Variants in TTC27 observed in about 807,000 individuals in gnomAD.
The protein encoded by TTC27 is tetratricopeptide repeat domain 27.
Under a neutral mutation model 115.9 loss-of-function variants are expected in TTC27, and 79 were observed. The ratio of observed to expected loss-of-function variants is 0.68; its 90% CI spans 0.57 to 0.82. The LOEUF (loss-of-function observed/expected upper bound fraction) is 0.82, where lower values mean the gene tolerates loss of function less well. Among genes scored for constraint, TTC27 ranks in the 40% least tolerant of loss-of-function variants. The pLI, the probability that TTC27 is intolerant of heterozygous loss-of-function variation, is 0.00. For synonymous variants in TTC27, 401 were observed against 356.0 expected (o/e 1.13, Z -1.42); for missense variants, 1,054 against 993.1 (o/e 1.06, Z -0.82).
intron 10 of TTC27, among the ~76,000 whole-genome samples, chr2:32,709,056 A>G (rs1444731265): frequency 2.0e-5 from 3 of 152,200 alleles, no homozygotes; most frequent in African/African-American, 7.2e-5. Flanking sequence ...TTTGATTGTA[A>G]CTCAAAGTAT....
chr2:32,798,413 A>G (rs1670787921), intron 16 of TTC27, among the ~76,000 whole-genome samples: 1 of 121,176 alleles, frequency 8.3e-6, no homozygotes, highest in African/African-American at 3.2e-5. Flanking sequence ...AAAAAGAAAG[A>G]AAGAAAATGG....
intron 16 of TTC27, among the ~76,000 whole-genome samples, chr2:32,797,500 C>T (rs1166990038): frequency 6.6e-6 from 1 of 152,074 alleles, no homozygotes; most frequent in African/African-American, 2.4e-5. Flanking sequence ...GACAAGGGTG[C>T]CAAGACTATT....
At chr2:32,698,637 G>A (rs1171886277) in intron 9 of TTC27, among the ~76,000 whole-genome samples, 1 of 151,500 alleles carries the variant, frequency 6.6e-6, no homozygotes, top group African/African-American at 2.4e-5. Flanking sequence ...CCCCCACCAC[G>A]CCTGGCTAAT....
intron 5 of TTC27, among the ~76,000 whole-genome samples, chr2:32,662,191 G>A (rs1442218934): frequency 1.3e-5 from 2 of 152,090 alleles, no homozygotes; most frequent in Non-Finnish European, 1.5e-5. Context: ...GAGGATTTTT[G>A]CATCAATGTT....
At chr2:32,730,361 G>A (rs765783385) in intron 10 of TTC27, among the ~76,000 whole-genome samples, 13 of 152,114 alleles carry the variant, frequency 8.5e-5, no homozygotes, top group Non-Finnish European at 1.8e-4. Context: ...GATAGAACAA[G>A]GACATAATCC....
At chr2:32,644,292 C>T (rs1184253783) in intron 4 of TTC27, among the ~76,000 whole-genome samples, 2 of 150,072 alleles carry the variant, frequency 1.3e-5, no homozygotes, top group East Asian at 3.9e-4. Flanking sequence ...GTGGAGGTTG[C>T]AGTGAGCCAA....
chr2:32,695,579 C>T (rs981687043), intron 9 of TTC27, among the ~76,000 whole-genome samples: 1 of 151,872 alleles, frequency 6.6e-6, no homozygotes, highest in Non-Finnish European at 1.5e-5. Context: ...AGTAGCCATG[C>T]GTGGTGGTGC....
chr2:32,733,393 CT>C (rs1668356951), intron 10 of TTC27, among the ~76,000 whole-genome samples: 1 of 152,288 alleles, frequency 6.6e-6, no homozygotes, highest in African/African-American at 2.4e-5. Context: ...AAATAGGCTA[CT>C]TTTTCCTTTC....
intron 5 of TTC27, among the ~76,000 whole-genome samples, chr2:32,660,959 A>G (rs1054081618): frequency 2.0e-5 from 3 of 152,166 alleles, no homozygotes; most frequent in Non-Finnish European, 4.4e-5. Flanking sequence ...GGTGTAAGGA[A>G]GGGGTCCAGT....
At chr2:32,743,138 G>C (rs1411980348) in intron 12 of TTC27, among the ~76,000 whole-genome samples, 1 of 151,934 alleles carries the variant, frequency 6.6e-6, no homozygotes, top group Non-Finnish European at 1.5e-5. Context: ...TATAGTTGTT[G>C]GTCTGCCAAT....
intron 10 of TTC27, among the ~76,000 whole-genome samples, chr2:32,703,342 C>T (rs1667256327): frequency 6.6e-6 from 1 of 152,134 alleles, no homozygotes; most frequent in South Asian, 2.1e-4. Flanking sequence ...TGGTGGGTGC[C>T]TGTAATCCCA....
At chr2:32,662,043 G>A (rs1031057607) in intron 5 of TTC27, among the ~76,000 whole-genome samples, 2 of 152,046 alleles carry the variant, frequency 1.3e-5, no homozygotes, top group Non-Finnish European at 2.9e-5. Context: ...TTTTTGTCAC[G>A]GTTCTGTTTA....
intron 12 of TTC27, among the ~76,000 whole-genome samples, chr2:32,751,885 C>T (rs1338904793): frequency 6.6e-6 from 1 of 152,160 alleles, no homozygotes; most frequent in Non-Finnish European, 1.5e-5. Context: ...ATCATGGAGA[C>T]TCAGGTCAGG....
At chr2:32,705,935 T>A (rs1301103752) in intron 10 of TTC27, among the ~76,000 whole-genome samples, 3 of 152,170 alleles carry the variant, frequency 2.0e-5, no homozygotes, top group Non-Finnish European at 4.4e-5. Context: ...AATAATTTTT[T>A]AAATTGGTAT....
chr2:32,728,963 A>G (rs1482645896), intron 10 of TTC27, among the ~76,000 whole-genome samples: 2 of 150,368 alleles, frequency 1.3e-5, no homozygotes, highest in Admixed American at 6.7e-5. Flanking sequence ...ATTGGATTAT[A>G]TACATATTTT....
intron 3 of TTC27, among the ~76,000 whole-genome samples, chr2:32,637,956 C>T (rs1034665999): frequency 1.3e-5 from 2 of 152,168 alleles, no homozygotes; most frequent in Admixed American, 6.5e-5. Context: ...AGTCAGAAGG[C>T]TAAAAGTCAT....
chr2:32,682,459 A>G (rs1228597191), intron 9 of TTC27, among the ~76,000 whole-genome samples: 1 of 152,172 alleles, frequency 6.6e-6, no homozygotes, highest in Non-Finnish European at 1.5e-5. Context: ...TCTTATTTTC[A>G]AGCAGGCTAA....
At chr2:32,770,710 T>C (rs117022716) in intron 13 of TTC27, among the ~76,000 whole-genome samples, 2 of 152,352 alleles carry the variant, frequency 1.3e-5, no homozygotes, top group Non-Finnish European at 1.5e-5. Flanking sequence ...TACAGTACTC[T>C]GACATTTTAA....
At chr2:32,678,720 C>A in intron 8 of TTC27, 136 bp from the exon 9 acceptor site, 1 of 603,606 alleles carries the variant, frequency 1.7e-6, no homozygotes, top group Non-Finnish European at 2.7e-6. Flanking sequence ...AGCCACTGTG[C>A]CCGGCCCCCA....
Sources: allele counts gnomAD v4.1 joint callset (sites outside exome capture counted in the v4.1 genomes callset), GRCh38; gene constraint gnomAD v4.1.1; transcripts MANE v1.5; gene names NCBI Gene and HGNC (gene_info 2026-07-23, HGNC 2026-07-21).